MYBPC3: variants seen among roughly 807,000 people sequenced by gnomAD.
The protein encoded by MYBPC3 is myosin binding protein C3, also known as myosin-binding protein C, cardiac-type.
MYBPC3 carries 108 observed loss-of-function variants against 159.3 expected under a neutral mutation model. That is an observed-to-expected ratio of 0.68 (90% CI 0.58 to 0.80). The LOEUF is 0.80. Ranked by LOEUF, MYBPC3 falls within the 30% of genes least tolerant of loss-of-function variation. The pLI, the probability that MYBPC3 is intolerant of heterozygous loss-of-function variation, is 0.00. For synonymous variants in MYBPC3, 730 were observed against 702.0 expected (o/e 1.04, Z -0.63); for missense variants, 1,631 against 1,762.1 (o/e 0.93, Z 1.33).
At chr11:47,335,652 G>T in intron 26 of MYBPC3, 1 of 432,800 alleles carries the variant, frequency 2.3e-6, no homozygotes, top group Non-Finnish European at 4.1e-6. Flanking sequence ...AAATGTAGTT[G>T]CTGATTTCGC....
chr11:47,343,174 G>A (rs2095890851), intron 14 of MYBPC3, 29 bp from the exon 15 acceptor site: 3 of 1,603,592 alleles, frequency 1.9e-6, no homozygotes, highest in Non-Finnish European at 2.6e-6. Flanking sequence ...GAAGTGGCAG[G>A]AAAGCTGCGG....
Position 47,337,479 on chromosome 11 carries a change from C to G in MYBPC3, c.2514G>C (p.Glu838Asp). Residue 838 changes from glutamate (E) to aspartate (D), a missense_variant, in exon 25 of 35, where the codon GAG becomes GAC. Coordinates refer to ENST00000545968, the MANE Select transcript of MYBPC3 (RefSeq NM_000256.3). ...AGACGCGCATCTCGTACACCACGCC[C>G]TCGATCATGCGCCGCGCTTCATGAC... The part of the protein sequence containing the change: ...ELSHEARRMI[E>D]GVVYEMRVYA... 1 of 1,613,966 alleles carries G rather than the reference C, an allele frequency of 6.2e-7. No homozygotes were observed. The highest frequency in any genetic ancestry group is 8.5e-7 in the Non-Finnish European group (1 of 1,179,892).
Position 47,337,768 on chromosome 11 carries a change from TGGG to T in MYBPC3, c.2332_2334del (p.Pro778del). ...GAGTCCTCTCCCACGTTGCTGATCT[TGGG>T]GGCCGCAGGTGCGTCTGGCACGTCT... On this transcript the variant is annotated inframe_deletion, in exon 24 of 35. Coordinates refer to ENST00000545968, the MANE Select transcript of MYBPC3 (RefSeq NM_000256.3). The T allele has an allele frequency of 6.4e-7, 1 of 1,553,360 alleles. No homozygotes were observed. The highest frequency in any genetic ancestry group is 1.7e-4 in the Middle Eastern group (1 of 5,994).
chr11:47,333,516 G>A, intron 29 of MYBPC3, 41 bp downstream of exon 29: 1 of 1,597,648 alleles, frequency 6.3e-7, no homozygotes, highest in Non-Finnish European at 8.5e-7. Context: ...CCAGCCCAGG[G>A]AAGGGAAACA....
Position 47,347,031 on chromosome 11 carries a change from T to C in MYBPC3, c.906-2A>G, listed in dbSNP as rs1423297586. 5.0e-6 allele frequency: 4 copies of C among 801,974 alleles called. No homozygotes were observed. The highest frequency in any genetic ancestry group is 8.9e-6 in the Non-Finnish European group (4 of 451,216). The allele number at this position is 801,974 out of a possible 1,614,324, so 49.7% of individuals were successfully genotyped here. A position where few individuals can be genotyped will look rare whatever the true frequency, so the allele number is the denominator to read the frequency against. On this transcript the variant is annotated splice_acceptor_variant, in intron 9 of 34. Coordinates refer to ENST00000545968, the MANE Select transcript of MYBPC3 (RefSeq NM_000256.3). LOFTEE classifies it high-confidence loss of function. ...CACCCAGACCCCGATTCTTACTCTC[T>C]GGGCCACAGCAGCAGCAGCCATAAT... is the stretch of plus-strand genomic sequence containing the variant.
Position 47,351,623 on chromosome 11 carries a change from T to C in MYBPC3, c.26-118A>G. ...CTATGCATCCCCTCACGTAATACTC[T>C]ACCAGTTCTCTGAGGTAGTTGCAGT... On this transcript the variant is annotated intron_variant, in intron 1 of 34. Coordinates refer to ENST00000545968, the MANE Select transcript of MYBPC3 (RefSeq NM_000256.3). This position sits in a 1 kb window ranked among gnomAD's most constrained non-coding sequence, Gnocchi z 4.2. 7 of 1,161,600 alleles carry C rather than the reference T, an allele frequency of 6.0e-6. No individual in the cohort carries two copies. Among genetic ancestry groups the C allele is most frequent in the Non-Finnish European group, 8.1e-6 (7 of 859,688 alleles). 72.0% of individuals were successfully genotyped at this position (1,161,600 alleles called of 1,614,324 possible).
chr11:47,347,379 G>A (rs1051972340), intron 9 of MYBPC3, 47 bp downstream of exon 9: 71 of 1,557,942 alleles, frequency 4.6e-5, no homozygotes, highest in Non-Finnish European at 6.0e-5. Context: ...CTGGGATTTG[G>A]AGCCAGGCCT....
chr11:47,346,797 C>T lies in MYBPC3; in HGVS notation c.909-153G>A, dbSNP rs928418530. 24 of 859,034 alleles carry T rather than the reference C, an allele frequency of 2.8e-5. No individual in the cohort carries two copies. Among genetic ancestry groups the T allele is most frequent in the East Asian group, 2.4e-4 (9 of 37,494 alleles). 53.2% of individuals were successfully genotyped at this position (859,034 alleles called of 1,614,324 possible). On this transcript the variant is annotated intron_variant, in intron 10 of 34. Coordinates refer to ENST00000545968, the MANE Select transcript of MYBPC3 (RefSeq NM_000256.3). The surrounding 1 kb of genome is among the most constrained non-coding windows in gnomAD (Gnocchi z 5.3). ...GTGTTGTGGGGCACCCATGCTGCTC[C>T]GGAGGCTCTGGCAGGACCTCCTGTG...
rs1051834949 is a variant in MYBPC3, at chr11:47,346,904, T to G, written c.908+123A>C. The G allele has an allele frequency of 1.1e-5, 8 of 732,638 alleles. No individual in the cohort carries two copies. Among genetic ancestry groups the G allele is most frequent in the Non-Finnish European group, 2.0e-5 (8 of 403,626 alleles). The allele number at this position is 732,638 out of a possible 1,614,324, so 45.4% of individuals were successfully genotyped here. On this transcript the variant is annotated intron_variant, in intron 10 of 34. Transcript: ENST00000545968. This position sits in a 1 kb window ranked among gnomAD's most constrained non-coding sequence, Gnocchi z 5.3. ...AGCCCAAGGCACAGAGACTCACCCC[T>G]GTCCGTGGGGAGCCGCACCCTGCTC...
intron 12 of MYBPC3, among the ~76,000 whole-genome samples, chr11:47,345,023 C>T (rs2095892787): frequency 1.3e-5 from 2 of 152,236 alleles, no homozygotes; most frequent in African/African-American, 4.8e-5. Context: ...CGCCTAACCT[C>T]AGGTGATCCA....
chr11:47,337,578 G>A lies in MYBPC3; in HGVS notation c.2415C>T (p.Gly805=). 4 of 1,613,966 alleles carry A rather than the reference G, an allele frequency of 2.5e-6. No homozygotes were observed. The highest frequency in any genetic ancestry group is 3.4e-6 in the Non-Finnish European group (4 of 1,179,888). Residue 805 remains glycine (G), a splice_region_variant and synonymous_variant, in exon 25 of 35, where the codon GGC becomes GGT. Coordinates refer to ENST00000545968, the MANE Select transcript of MYBPC3 (RefSeq NM_000256.3). The part of the protein sequence containing the change: ...PAYDGGQPIL[G]YILERKKKKS... Reference sequence around the variant, plus strand: ...TCTTCTTCTTGCGCTCCAGGATGTAGCCTGGCTCAGGGGAGGTGGCAGCTC... The same window carrying A: ...TCTTCTTCTTGCGCTCCAGGATGTAACCTGGCTCAGGGGAGGTGGCAGCTC...
rs1384247644 is a variant in MYBPC3, at chr11:47,351,405, C to T, written c.126G>A (p.Trp42Ter). The change falls in exon 2 of 35, where the codon TGG (tryptophan) becomes TGA (stop). Residue 42 changes from tryptophan (W) to a stop codon, truncating the protein, a stop_gained. Coordinates refer to ENST00000545968, the MANE Select transcript of MYBPC3 (RefSeq NM_000256.3). LOFTEE classifies it high-confidence loss of function. This position sits in a 1 kb window ranked among gnomAD's most constrained non-coding sequence, Gnocchi z 4.2. Reference sequence around the variant, plus strand: ...CGCTGATGTCACTGCCTCCGCGCTGCCAGCGCACCTTCACTCCTGCCCGCT... The same window carrying T: ...CGCTGATGTCACTGCCTCCGCGCTGTCAGCGCACCTTCACTCCTGCCCGCT... ...ETERAGVKVR[W>*]QRGGSDISAS... 6.2e-7 allele frequency: 1 copy of T among 1,610,004 alleles called. No homozygotes were observed.
intron 21 of MYBPC3, 39 bp downstream of exon 21, chr11:47,339,612 A>G (rs986603547): frequency 9.8e-6 from 15 of 1,535,006 alleles, no homozygotes; most frequent in African/African-American, 2.7e-5. Flanking sequence ...CCACACACCC[A>G]TCTTATAGAT....
Position 47,351,239 on chromosome 11 carries a change from C to A in MYBPC3, c.292G>T (p.Glu98Ter), listed in dbSNP as rs868819340. 1 of 1,527,798 alleles carries A rather than the reference C, an allele frequency of 6.5e-7. No homozygotes were observed. The highest frequency in any genetic ancestry group is 8.9e-7 in the Non-Finnish European group (1 of 1,128,506). The allele number at this position is 1,527,798 out of a possible 1,614,324, so 94.6% of individuals were successfully genotyped here. Reference sequence around the variant, plus strand: ...CAGGGAAGGCTGATCAGGATCTTACCTGCCTCTATGACCTTGAGGTCGAAC... The same window carrying A: ...CAGGGAAGGCTGATCAGGATCTTACATGCCTCTATGACCTTGAGGTCGAAC... ...VKFDLKVIEA[E>*]KAEPMLAPAP... The change falls in exon 2 of 35, where the codon GAG (glutamate) becomes TAG (stop). Residue 98 changes from glutamate (E) to a stop codon, truncating the protein, a stop_gained and splice_region_variant. Coordinates refer to ENST00000545968, the MANE Select transcript of MYBPC3 (RefSeq NM_000256.3). LOFTEE classifies it high-confidence loss of function. The surrounding 1 kb of genome is among the most constrained non-coding windows in gnomAD (Gnocchi z 4.2).
Position 47,337,436 on chromosome 11 carries a change from C to A in MYBPC3, c.2557G>T (p.Gly853Cys), listed in dbSNP as rs397515976. Residue 853 changes from glycine (G) to cysteine (C), a missense_variant, in exon 25 of 35, where the codon GGC becomes TGC. By Grantham distance (159) the Gly-to-Cys change is radical. Coordinates refer to ENST00000545968, the MANE Select transcript of MYBPC3 (RefSeq NM_000256.3). The stretch of plus-strand genomic sequence containing the variant: ...GAGGCAGGGCTGGGCCTGGACATGC[C>A]GATGGCGTTGACCGCGTAGACGCGC... ...EMRVYAVNAIGMSRPSPASQP... is the reference protein window; with the variant it reads ...EMRVYAVNAICMSRPSPASQP... 2.5e-6 allele frequency: 4 copies of A among 1,610,654 alleles called. No individual in the cohort carries two copies. The highest frequency in any genetic ancestry group is 8.5e-7 in the Non-Finnish European group (1 of 1,178,602).
intron 5 of MYBPC3, among the ~76,000 whole-genome samples, chr11:47,348,918 A>ATATATATATATATATATATATATG (rs1454799873): frequency 1.6e-5 from 2 of 121,274 alleles, no homozygotes; most frequent in African/African-American, 5.8e-5. Context: ...TTATATATAT[A>ATATATATATATATATATATATATG]TATATATATT....
intron 25 of MYBPC3, chr11:47,336,273 A>ACCT (rs2095882170): frequency 1.5e-5 from 4 of 264,158 alleles, no homozygotes; most frequent in Non-Finnish European, 2.8e-5. Flanking sequence ...GGATCACCTG[A>ACCT]GGTCAGGAGT....
Position 47,331,828 on chromosome 11 carries a change from T to A in MYBPC3, c.*26+17A>T, listed in dbSNP as rs1331515120. 6.3e-7 allele frequency: 1 copy of A among 1,596,290 alleles called. No individual in the cohort carries two copies. The highest frequency in any genetic ancestry group is 8.5e-7 in the Non-Finnish European group (1 of 1,171,984). On this transcript the variant is annotated intron_variant, in intron 34 of 34. Coordinates refer to ENST00000545968, the MANE Select transcript of MYBPC3 (RefSeq NM_000256.3). ...CTCAGCCACTGACTTGTGCCCTGGG[T>A]GTCGGGTGGTACATACCTGGCCATC...
intron 25 of MYBPC3, chr11:47,336,305 T>C (rs2095882209): frequency 9.2e-6 from 2 of 217,592 alleles, no homozygotes; most frequent in Non-Finnish European, 9.1e-6. Context: ...CTGGCCAACA[T>C]GGTGAAACTC....
Sources: allele counts gnomAD v4.1 joint callset (sites outside exome capture counted in the v4.1 genomes callset), GRCh38; gene constraint gnomAD v4.1.1; non-coding constraint Gnocchi (gnomAD v3.1); transcripts MANE v1.5; gene names NCBI Gene and HGNC (gene_info 2026-07-23, HGNC 2026-07-21).